AHRR: variants seen among roughly 807,000 people sequenced by gnomAD.
The protein encoded by AHRR is ahR repressor.
Under a neutral mutation model 44.0 loss-of-function variants are expected in AHRR, and 28 were observed. The ratio of observed to expected loss-of-function variants is 0.64; its 90% CI spans 0.47 to 0.87. The LOEUF (loss-of-function observed/expected upper bound fraction) is 0.87. Ranked by LOEUF, AHRR falls within the 40% of genes least tolerant of loss-of-function variation. AHRR has a pLI of 0.00. For synonymous variants in AHRR, 434 were observed against 407.0 expected (o/e 1.07, Z -0.80); for missense variants, 990 against 953.9 (o/e 1.04, Z -0.50).
intron 2 of AHRR, among the ~76,000 whole-genome samples, chr5:344,247 G>C (rs1031857355): frequency 6.6e-6 from 1 of 150,884 alleles, no homozygotes; most frequent in South Asian, 2.1e-4. Flanking sequence ...GACGCGGGCG[G>C]AGCTCCGGGC....
intron 1 of AHRR, among the ~76,000 whole-genome samples, chr5:341,478 A>C (rs2721032): frequency 0.7 from 102,374 of 145,658 alleles, 36,430 homozygotes; most frequent in African/African-American, 0.75. Context: ...TGGTTTAATC[A>C]CTTTCCTTCC....
chr5:373,795 C>T (rs1743666207), intron 3 of AHRR, among the ~76,000 whole-genome samples: 1 of 151,304 alleles, frequency 6.6e-6, no homozygotes, highest in Admixed American at 6.6e-5. Context: ...CCATTCCCCG[C>T]CACGCGCCTG....
chr5:344,477 TGC>T (rs1391373208), intron 2 of AHRR, among the ~76,000 whole-genome samples: 10 of 8,952 alleles, frequency 1.1e-3, no homozygotes, highest in Middle Eastern at 0.042. Context: ...AGGCTGTGTG[TGC>T]GCGGGGGGAG....
chr5:421,824 G>A (rs985637817), intron 5 of AHRR, among the ~76,000 whole-genome samples: 4 of 152,144 alleles, frequency 2.6e-5, no homozygotes. Flanking sequence ...GAAGATGCTC[G>A]TCCCTTTAGG....
chr5:404,296 T>G lies in AHRR; in HGVS notation c.352-9048T>G. ...CCTTCTCATCAAACATGTGAATAAT[T>G]CGCTAATTTTTCTTCCAGTGTTACT... is the stretch of plus-strand genomic sequence containing the variant. On this transcript the variant is annotated intron_variant, in intron 4 of 10. Transcript: ENST00000684583. This position sits in a 1 kb window ranked among gnomAD's most constrained non-coding sequence, Gnocchi z 4.1. 2.0e-6 allele frequency: 1 copy of G among 492,192 alleles called. No homozygotes were observed. The highest frequency in any genetic ancestry group is 4.1e-6 in the Non-Finnish European group (1 of 246,906). The allele number at this position is 492,192 out of a possible 1,614,324, so 30.5% of individuals were successfully genotyped here.
At chr5:332,929 CTT>C (rs57937804) in intron 1 of AHRR, among the ~76,000 whole-genome samples, 8,561 of 131,990 alleles carry the variant, frequency 0.065, 311 homozygotes, top group African/African-American at 0.11. Flanking sequence ...TGACCTTTGT[CTT>C]TTTTTTTTTT....
chr5:417,145 C>T (rs1280950060), intron 5 of AHRR, among the ~76,000 whole-genome samples: 1 of 139,822 alleles, frequency 7.2e-6, no homozygotes, highest in East Asian at 2.1e-4. Flanking sequence ...TGTGCAGGGC[C>T]TGAGTCTGGA....
intron 4 of AHRR, among the ~76,000 whole-genome samples, chr5:394,903 G>C (rs1283127121): frequency 6.6e-6 from 1 of 152,172 alleles, no homozygotes; most frequent in Non-Finnish European, 1.5e-5. Context: ...GTTTGCACAA[G>C]AGGAGGGAGG....
intron 3 of AHRR, among the ~76,000 whole-genome samples, chr5:363,140 C>G (rs2126412219): frequency 6.6e-6 from 1 of 152,344 alleles, no homozygotes; most frequent in South Asian, 2.1e-4. Context: ...GGCTGGGTGT[C>G]AGGCTGGCTG....
intron 2 of AHRR, among the ~76,000 whole-genome samples, chr5:349,705 G>A (rs955772960): frequency 7.2e-5 from 11 of 152,158 alleles, no homozygotes; most frequent in African/African-American, 2.7e-4. Flanking sequence ...CTGAAGGATT[G>A]ATTTTTGCAC....
intron 8 of AHRR, among the ~76,000 whole-genome samples, chr5:431,283 G>A (rs925608499): frequency 6.6e-6 from 1 of 152,230 alleles, no homozygotes; most frequent in Non-Finnish European, 1.5e-5. Flanking sequence ...CCCCCTGTGG[G>A]GCTGTGAGGG....
intron 8 of AHRR, among the ~76,000 whole-genome samples, chr5:430,397 C>T (rs1454284631): frequency 6.6e-6 from 1 of 152,226 alleles, no homozygotes; most frequent in Non-Finnish European, 1.5e-5. Flanking sequence ...TCTGGGAGGA[C>T]CCCGTCACAC....
At chr5:432,135 A>G (rs951539546) in intron 8 of AHRR, 1 of 335,384 alleles carries the variant, frequency 3.0e-6, no homozygotes, top group Non-Finnish European at 5.7e-6. Context: ...ATGAGAATGG[A>G]CCGTATTTTC....
At chr5:417,369 T>C (rs1031501067) in intron 5 of AHRR, among the ~76,000 whole-genome samples, 2 of 151,188 alleles carry the variant, frequency 1.3e-5, no homozygotes, top group African/African-American at 2.4e-5. Flanking sequence ...GGCGGCTTGG[T>C]CCGTATGTGC....
rs375171291 is a variant in AHRR, at chr5:434,251, G to T, written c.1511G>T (p.Gly504Val). 1 of 1,598,832 alleles carries T rather than the reference G, an allele frequency of 6.3e-7. No individual in the cohort carries two copies. Among genetic ancestry groups the T allele is most frequent in the South Asian group, 1.1e-5 (1 of 88,104 alleles). Residue 504 changes from glycine (G) to valine (V), a missense_variant, in exon 11 of 11, where the codon GGC becomes GTC. By Grantham distance (109) the Gly-to-Val change is moderately radical. Transcript: ENST00000684583. The part of the protein sequence containing the change: ...QPGAQRFATR[G>V]YPMEDMKLQG... Reference sequence around the variant, plus strand: ...GGAGCTCAGCGTTTTGCCACGAGGGGCTATCCCATGGAGGACATGAAGCTG... The same window carrying T: ...GGAGCTCAGCGTTTTGCCACGAGGGTCTATCCCATGGAGGACATGAAGCTG...
At chr5:345,678 A>G (rs1742647608) in intron 2 of AHRR, among the ~76,000 whole-genome samples, 1 of 151,020 alleles carries the variant, frequency 6.6e-6, no homozygotes, top group African/African-American at 2.4e-5. Flanking sequence ...CAGCAATGCC[A>G]CCCTCACTGC....
At chr5:330,969 C>T (rs184209883) in intron 1 of AHRR, among the ~76,000 whole-genome samples, 37 of 149,660 alleles carry the variant, frequency 2.5e-4, no homozygotes, top group African/African-American at 8.4e-4. Flanking sequence ...CGTCTCCTCC[C>T]GGGTTCATGC....
chr5:332,353 C>T (rs1228108908), intron 1 of AHRR, among the ~76,000 whole-genome samples: 9 of 150,916 alleles, frequency 6.0e-5, no homozygotes, highest in Non-Finnish European at 1.2e-4. Context: ...CCACAACCTC[C>T]GCCTCCTGGG....
chr5:403,671 G>C, intron 4 of AHRR: 1 of 642,700 alleles, frequency 1.6e-6, no homozygotes, highest in Non-Finnish European at 2.6e-6. Context: ...ACTTTAAATA[G>C]TTAAAATGGT....
Sources: gnomAD v4.1 joint callset for allele counts (sites outside exome capture counted in the v4.1 genomes callset) on GRCh38, gnomAD v4.1.1 for gene constraint, Gnocchi (gnomAD v3.1) non-coding constraint, MANE v1.5 for transcripts, NCBI Gene and HGNC (gene_info 2026-07-23, HGNC 2026-07-21) for gene names.